The following TMEM132C variants were observed in gnomAD, a reference collection of about 807,000 sequenced individuals.
TMEM132C encodes the protein protein phosphatase 1, regulatory subunit 152.
A neutral mutation model predicts 61.4 loss-of-function variants in TMEM132C; 29 were observed. That is an observed-to-expected ratio of 0.47 (90% CI 0.35 to 0.64). The LOEUF (loss-of-function observed/expected upper bound fraction) is 0.64. TMEM132C is among the 30% of genes least tolerant of loss of function. The pLI is 0.00. For missense variants in TMEM132C, 1,408 were observed against 1,476.9 expected (o/e 0.95, Z 0.76); for synonymous variants, 656 against 633.1 (o/e 1.04, Z -0.54).
intron 1 of TMEM132C, among the ~76,000 whole-genome samples, chr12:128,346,083 G>C (rs1873151537): frequency 6.6e-6 from 1 of 151,896 alleles, no homozygotes; most frequent in Non-Finnish European, 1.5e-5. Context: ...CTTTGTATAA[G>C]GAACCCTTTC....
chr12:128,623,451 A>T (rs1400790877), intron 4 of TMEM132C, among the ~76,000 whole-genome samples: 4 of 144,554 alleles, frequency 2.8e-5, no homozygotes, highest in Admixed American at 6.7e-5. Context: ...ATATAATTTT[A>T]AAAAAATGAA....
At chr12:128,623,581 C>T (rs971740130) in intron 4 of TMEM132C, among the ~76,000 whole-genome samples, 31 of 151,710 alleles carry the variant, frequency 2.0e-4, no homozygotes, top group African/African-American at 7.0e-4. Context: ...CCAAGGCAGG[C>T]GGATTGCCTG....
At chr12:128,491,932 T>G (rs1425097175) in intron 2 of TMEM132C, among the ~76,000 whole-genome samples, 1 of 151,914 alleles carries the variant, frequency 6.6e-6, no homozygotes, top group African/African-American at 2.4e-5. Context: ...ACATGTGCCA[T>G]GTTGGTATGC....
chr12:128,335,488 A>C (rs1351470935), intron 1 of TMEM132C, among the ~76,000 whole-genome samples: 2 of 152,228 alleles, frequency 1.3e-5, no homozygotes, highest in Non-Finnish European at 2.9e-5. Context: ...CATTATATTG[A>C]ATGGGGCCAA....
intron 2 of TMEM132C, among the ~76,000 whole-genome samples, chr12:128,533,508 T>C (rs1273246224): frequency 6.6e-6 from 1 of 152,304 alleles, no homozygotes; most frequent in East Asian, 1.9e-4. Flanking sequence ...GCAGGGTTGA[T>C]TCCTTCTGAG....
At chr12:128,426,395 C>G (rs528509525) in intron 2 of TMEM132C, among the ~76,000 whole-genome samples, 1 of 152,162 alleles carries the variant, frequency 6.6e-6, no homozygotes, top group African/African-American at 2.4e-5. Context: ...TCTGCAGGAT[C>G]GAGTGGATTC....
intron 1 of TMEM132C, among the ~76,000 whole-genome samples, chr12:128,330,357 C>A (rs998863757): frequency 3.9e-5 from 6 of 152,236 alleles, no homozygotes; most frequent in Admixed American, 1.3e-4. Context: ...TCCCCATAAC[C>A]AACCTCGAAT....
At chr12:128,365,586 C>G (rs1873840870) in intron 1 of TMEM132C, among the ~76,000 whole-genome samples, 1 of 152,158 alleles carries the variant, frequency 6.6e-6, no homozygotes. Context: ...AGCCGGAAAG[C>G]ATATTATGTC....
chr12:128,339,614 G>A (rs957679914), intron 1 of TMEM132C, among the ~76,000 whole-genome samples: 1 of 151,532 alleles, frequency 6.6e-6, no homozygotes, highest in African/African-American at 2.4e-5. Flanking sequence ...TGCGTTGAGG[G>A]GGTCTTCATC....
chr12:128,495,242 T>C (rs546024286), intron 2 of TMEM132C, among the ~76,000 whole-genome samples: 1 of 151,946 alleles, frequency 6.6e-6, no homozygotes, highest in South Asian at 2.1e-4. Flanking sequence ...TGCTGAGGAG[T>C]GCTTTACTTC....
At chr12:128,650,732 CA>C (rs962382491) in intron 4 of TMEM132C, among the ~76,000 whole-genome samples, 3 of 150,746 alleles carry the variant, frequency 2.0e-5, no homozygotes, top group Non-Finnish European at 3.0e-5. Flanking sequence ...GACCCTGTCT[CA>C]AAAAAAAAGT....
intron 4 of TMEM132C, among the ~76,000 whole-genome samples, chr12:128,665,893 CCACACACACATTCACAGG>C (rs1206225841): frequency 4.8e-5 from 5 of 103,642 alleles, no homozygotes; most frequent in African/African-American, 1.1e-4. Flanking sequence ...AAACACACAG[CCACACACACATTCACAGG>C]CACACACACA....
Position 128,616,209 on chromosome 12 carries a change from CA to C in TMEM132C, c.1180del (p.Ser394AlafsTer47). On this transcript the variant is annotated frameshift_variant, in exon 4 of 9. Coordinates refer to ENST00000435159, the MANE Select transcript of TMEM132C (RefSeq NM_001136103.3). LOFTEE classifies it high-confidence loss of function. The stretch of plus-strand genomic sequence containing the variant: ...TGAACTTTGAAATAGCCAGTTTCAG[CA>C]GCCTTTCAGGGACTCAGCCCATCAC... ...QMNFEIASFS[S>X]LSGTQPITWQ... The C allele has an allele frequency of 6.4e-7, 1 of 1,551,772 alleles. No individual in the cohort carries two copies. Among genetic ancestry groups the C allele is most frequent in the Non-Finnish European group, 8.7e-7 (1 of 1,147,000 alleles).
At chr12:128,482,865 C>G (rs1039878426) in intron 2 of TMEM132C, among the ~76,000 whole-genome samples, 6 of 152,108 alleles carry the variant, frequency 3.9e-5, no homozygotes, top group Non-Finnish European at 8.8e-5. Flanking sequence ...CTGCACAGAG[C>G]AAGAGTCCAG....
At chr12:128,309,299 A>T (rs946816368) in intron 1 of TMEM132C, among the ~76,000 whole-genome samples, 5 of 152,180 alleles carry the variant, frequency 3.3e-5, no homozygotes, top group Admixed American at 2.0e-4. Flanking sequence ...ATTCTTACGG[A>T]TCCTCAGGAC....
intron 3 of TMEM132C, among the ~76,000 whole-genome samples, chr12:128,551,218 C>A (rs867306085): frequency 1.4e-5 from 2 of 142,754 alleles, no homozygotes; most frequent in African/African-American, 3.0e-5. Context: ...AGCCCCCCCC[C>A]TCCCGCTTCC....
chr12:128,377,188 G>A (rs1222618528), intron 1 of TMEM132C, among the ~76,000 whole-genome samples: 2 of 152,088 alleles, frequency 1.3e-5, no homozygotes, highest in African/African-American at 4.8e-5. Flanking sequence ...CCAAGTAGCT[G>A]GGATTACAGG....
At chr12:128,701,696 A>G (rs1056628006) in intron 8 of TMEM132C, among the ~76,000 whole-genome samples, 1 of 151,768 alleles carries the variant, frequency 6.6e-6, no homozygotes, top group Non-Finnish European at 1.5e-5. Context: ...TCACAGTTTT[A>G]TTTCTTGATA....
chr12:128,686,124 A>ATGTGTGCATG lies in TMEM132C; in HGVS notation c.1450-7695_1450-7686dup, dbSNP rs770681946. Among the ~76,000 whole-genome samples, 13 of 129,948 alleles carry ATGTGTGCATG rather than the reference A, an allele frequency of 1.0e-4. No homozygotes were observed. In the South Asian group the frequency reaches 3.2e-3, roughly 32 times the overall value. 85.3% of individuals were successfully genotyped at this position (129,948 alleles called of 152,430 possible). On this transcript the variant is annotated intron_variant, in intron 5 of 8. Transcript: ENST00000435159. Reference sequence around the variant, plus strand: ...TGTGTGTGCATGTGTGTGTGCATGTATGTGTGCATGTGTGTGCATATGTGT... The same window carrying ATGTGTGCATG: ...TGTGTGTGCATGTGTGTGTGCATGTATGTGTGCATGTGTGTGCATGTGTGTGCATATGTGT...
Sources: allele counts gnomAD v4.1 joint callset (sites outside exome capture counted in the v4.1 genomes callset), GRCh38; gene constraint gnomAD v4.1.1; transcripts MANE v1.5; gene names NCBI Gene and HGNC (gene_info 2026-07-23, HGNC 2026-07-21).